Variants in SON observed in about 807,000 individuals in gnomAD.
The protein encoded by SON is protein SON.
Under a neutral mutation model 173.3 loss-of-function variants are expected in SON, and 4 were observed. That is an observed-to-expected ratio of 0.02 (90% confidence interval 0.01 to 0.05). The LOEUF (loss-of-function observed/expected upper bound fraction) is 0.05, where lower values mean the gene tolerates loss of function less well. SON is among the 10% of genes least tolerant of loss of function. The pLI, the probability that SON is intolerant of heterozygous loss-of-function variation, is 1.00. For missense variants in SON, 2,626 were observed against 3,055.3 expected, an observed-to-expected ratio of 0.86 and a Z score of 3.31; for synonymous variants, 1,190 against 1,105.9, an observed-to-expected ratio of 1.08 and a Z score of -1.51.
Position 33,550,449 on chromosome 21 carries a change from T to C in SON, c.1218T>C (p.Pro406=), listed in dbSNP as rs770405118. Reference sequence around the variant, plus strand: ...CTGTGACTCCAGTGCTGGAGTTACCTGGGCCCTCTGCTACCCCGGTGCCAG... The same window carrying C: ...CTGTGACTCCAGTGCTGGAGTTACCCGGGCCCTCTGCTACCCCGGTGCCAG... The part of the protein sequence containing the change: ...GPPVTPVLEL[P]GPSATPVPEL... Residue 406 remains proline (P), a synonymous_variant, in exon 3 of 12, where the codon CCT becomes CCC. Transcript: ENST00000356577. The C allele has an allele frequency of 4.3e-6, 7 of 1,613,304 alleles. No individual in the cohort carries two copies. The highest frequency in any genetic ancestry group is 5.9e-6 in the Non-Finnish European group (7 of 1,179,800).
In SON at chr21:33,546,115, TGACA is replaced by T; in HGVS notation, c.78-96_78-93del. 13 of 968,906 alleles carry T rather than the reference TGACA, an allele frequency of 1.3e-5. No individual in the cohort carries two copies. The South Asian group carries it at 2.2e-4, about 16-fold the overall frequency. The allele number at this position is 968,906 out of a possible 1,614,324, so 60.0% of individuals were successfully genotyped here. A position where few individuals can be genotyped will look rare whatever the true frequency, so the allele number is the denominator to read the frequency against. ...TAAAATAGGAAAAAGGTAAAACATC[TGACA>T]GTCAGTACAACATATGATTATTGTA... On this transcript the variant is annotated intron_variant, in intron 1 of 11. Transcript: ENST00000356577.
At position 33,550,581 on chromosome 21, in the gene SON, G is replaced by C. The variant is rs200678788; in HGVS notation, c.1350G>C (p.Ser450=). The C allele has an allele frequency of 2.5e-6, 4 of 1,613,948 alleles. No individual in the cohort carries two copies. The East Asian group carries it at 8.9e-5, about 36-fold the overall frequency. The change falls in exon 3 of 12, where the codon TCG becomes TCC. Residue 450 remains serine, a synonymous_variant. Coordinates refer to ENST00000356577, the MANE Select transcript of SON (RefSeq NM_138927.4). ...GPSVTPVPQL[S]QELPGLPAPS... ...CTGTGACACCAGTGCCACAGTTGTCGCAGGAATTGCCAGGGCTTCCAGCAC... is the reference window on the plus strand; with the variant it reads ...CTGTGACACCAGTGCCACAGTTGTCCCAGGAATTGCCAGGGCTTCCAGCAC...
Position 33,554,478 on chromosome 21 carries a change from A to G in SON, c.5247A>G (p.Arg1749=), listed in dbSNP as rs376952251. 1.7e-4 allele frequency: 277 copies of G among 1,614,098 alleles called. No individual in the cohort carries two copies. Among genetic ancestry groups the G allele is most frequent in the Non-Finnish European group, 2.3e-4 (270 of 1,180,050 alleles). ...PKDMERLTSL[R]AGIEGPLLAS... ...ACATGGAACGTCTTACAAGCCTTAG[A>G]GCTGGCATTGAAGGACCTTTACTTG... Residue 1749 remains arginine (R), a synonymous_variant, in exon 3 of 12, where the codon AGA becomes AGG. Coordinates refer to ENST00000356577, the MANE Select transcript of SON (RefSeq NM_138927.4).
intron 1 of SON, among the ~76,000 whole-genome samples, chr21:33,545,011 T>G (rs1347455676): frequency 6.6e-6 from 1 of 152,204 alleles, no homozygotes; most frequent in Non-Finnish European, 1.5e-5. Flanking sequence ...AGTGAGCTGT[T>G]TTTTTTCTCA....
rs770123081 is a variant in SON, at chr21:33,554,471, G to C, written c.5240G>C (p.Ser1747Thr). Residue 1747 changes from serine (S) to threonine (T), a missense_variant, in exon 3 of 12, where the codon AGC becomes ACC. Ser to Thr is a moderately conservative substitution (Grantham distance 58, BLOSUM62 1). Around this residue, in one of 13 missense-constraint regions of SON, gnomAD observed 1,006 missense variants for 895.6 expected, o/e 1.12. Transcript: ENST00000356577. The stretch of plus-strand genomic sequence containing the variant: ...CCTAAGGACATGGAACGTCTTACAA[G>C]CCTTAGAGCTGGCATTGAAGGACCT... ...LLPKDMERLTSLRAGIEGPLL... is the reference protein window; with the variant it reads ...LLPKDMERLTTLRAGIEGPLL... 2 of 1,614,168 alleles carry C rather than the reference G, an allele frequency of 1.2e-6. No homozygotes were observed. The highest frequency in any genetic ancestry group is 2.2e-5 in the South Asian group (2 of 91,084).
In SON at chr21:33,549,931, C is replaced by T. The variant is rs776949930; in HGVS notation, c.700C>T (p.Pro234Ser). The change falls in exon 3 of 12, where the codon CCA (proline) becomes TCA (serine). Residue 234 changes from proline to serine, a missense_variant. By Grantham distance (74) the Pro-to-Ser change is moderately conservative (BLOSUM62 -1). This residue lies in a region of SON where 757 missense variants were observed against 730.1 expected (regional missense o/e 1.04). Coordinates refer to ENST00000356577, the MANE Select transcript of SON (RefSeq NM_138927.4). ...EQSEQSVAVM[P>S]EPSMTKILDS... ...GTCAGAGCAGTCTGTGGCAGTAATG[C>T]CAGAACCATCCATGACAAAGATTCT... The T allele has an allele frequency of 6.2e-7, 1 of 1,614,162 alleles. No individual in the cohort carries two copies. Among genetic ancestry groups the T allele is most frequent in the East Asian group, 2.2e-5 (1 of 44,888 alleles).
At chr21:33,557,721 T>C (rs2085995069) in intron 4 of SON, 2 of 1,424,552 alleles carry the variant, frequency 1.4e-6, no homozygotes, top group Admixed American at 6.1e-5. Context: ...AAATGATCTT[T>C]TGCCACCGGA....
chr21:33,555,537 T>A, intron 3 of SON, 146 bp downstream of exon 3: 1 of 722,098 alleles, frequency 1.4e-6, no homozygotes, highest in Non-Finnish European at 2.0e-6. Flanking sequence ...CATGGTACTG[T>A]ATTTAGGAAC....
chr21:33,570,979 G>A (rs1034659050), intron 8 of SON, among the ~76,000 whole-genome samples: 4 of 147,656 alleles, frequency 2.7e-5, no homozygotes, highest in African/African-American at 5.0e-5. Flanking sequence ...ATTTCTTCTG[G>A]TATTTGCAGT....
rs2086028080 is a variant in SON at position 33,559,408 on chromosome 21, A to G, written c.6468+32A>G. 4 of 1,567,920 alleles carry G rather than the reference A, an allele frequency of 2.6e-6. No individual in the cohort carries two copies. The highest frequency in any genetic ancestry group is 2.6e-6 in the Non-Finnish European group (3 of 1,161,594). On this transcript the variant is annotated intron_variant, in intron 5 of 11. Transcript: ENST00000356577. The surrounding 1 kb of genome is among the most constrained non-coding windows in gnomAD (Gnocchi z 4.1). ...ATTAGTGCTTATGGATTGGTAAAAC[A>G]GTGTAACTTGTGGAACTATTTAAAT...
rs201669657 is a variant in SON at position 33,550,960 on chromosome 21, T to C, written c.1729T>C (p.Ser577Pro). 3.0e-4 allele frequency: 478 copies of C among 1,602,874 alleles called. 6 individuals carry two copies. In the Admixed American group the frequency reaches 8.0e-3, roughly 27 times the overall value. Reference sequence around the variant, plus strand: ...GGTGCCAGAGTTGCCAGGGCTGCCTTCGGCAACTAGGGCACTGGAGTTGTC... The same window carrying C: ...GGTGCCAGAGTTGCCAGGGCTGCCTCCGGCAACTAGGGCACTGGAGTTGTC... ...TGVPELPGLP[S>P]ATRALELSGQ... The change falls in exon 3 of 12, where the codon TCG (serine) becomes CCG (proline). Residue 577 changes from serine (S) to proline (P), a missense_variant. Physicochemically the swap from Ser to Pro is moderately conservative, Grantham distance 74. This residue lies in a region of SON where 757 missense variants were observed against 730.1 expected (regional missense o/e 1.04). Transcript: ENST00000356577.
chr21:33,560,081 T>C, intron 6 of SON: 9 of 1,614,108 alleles, frequency 5.6e-6, no homozygotes, highest in Non-Finnish European at 7.6e-6. Flanking sequence ...GTACAACTAT[T>C]TAGCTTCCCG....
chr21:33,564,895 C>A (rs899444352), intron 6 of SON, among the ~76,000 whole-genome samples: 14 of 150,334 alleles, frequency 9.3e-5, no homozygotes, highest in African/African-American at 3.4e-4. Flanking sequence ...AACCAGTAGT[C>A]AAATTACTAT....
At chr21:33,555,836 TAAATG>T (rs1392380324) in intron 3 of SON, among the ~76,000 whole-genome samples, 1 of 152,214 alleles carries the variant, frequency 6.6e-6, no homozygotes. Context: ...ATAGGACTGT[TAAATG>T]AAGGTAATTC....
chr21:33,569,600 C>G (rs377489930), intron 8 of SON: 1 of 464,786 alleles, frequency 2.2e-6, no homozygotes, highest in African/African-American at 2.0e-5. Flanking sequence ...TGTAAGATCT[C>G]TTGGCCCCCG....
chr21:33,548,646 A>C (rs2085680513), intron 2 of SON, among the ~76,000 whole-genome samples: 1 of 152,260 alleles, frequency 6.6e-6, no homozygotes, highest in African/African-American at 2.4e-5. Context: ...CAAGTGTGTC[A>C]GTAATTTGGC....
chr21:33,561,737 T>C (rs1262200054), intron 6 of SON, among the ~76,000 whole-genome samples: 1 of 152,186 alleles, frequency 6.6e-6, no homozygotes, highest in Non-Finnish European at 1.5e-5. Context: ...AGTTGTCAGA[T>C]TTTAATTAAA....
chr21:33,569,093 C>G lies in SON; in HGVS notation c.6885+6C>G, dbSNP rs934831049. On this transcript the variant is annotated splice_donor_region_variant and intron_variant, in intron 8 of 11. Coordinates refer to ENST00000356577, the MANE Select transcript of SON (RefSeq NM_138927.4). ...CCCAAGCCTGGATTAAAAAGGTACA[C>G]AGTATATGCACATATGAAAGTGTCG... 1.3e-6 allele frequency: 2 copies of G among 1,484,312 alleles called. No homozygotes were observed. The highest frequency in any genetic ancestry group is 1.9e-6 in the Non-Finnish European group (2 of 1,063,098). 91.9% of individuals were successfully genotyped at this position (1,484,312 alleles called of 1,614,324 possible).
chr21:33,553,867 G>A lies in SON; in HGVS notation c.4636G>A (p.Glu1546Lys). The A allele has an allele frequency of 6.2e-7, 1 of 1,613,976 alleles. No homozygotes were observed. Among genetic ancestry groups the A allele is most frequent in the African/African-American group, 1.3e-5 (1 of 75,038 alleles). ...TAATCATTTAATTGCTAAAGAGATG[G>A]AACATAATACAGTGTGTGCTGCTGG... The part of the protein sequence containing the change: ...INNHLIAKEM[E>K]HNTVCAAGTS... Residue 1546 changes from glutamate to lysine, a missense_variant, in exon 3 of 12, where the codon GAA becomes AAA. Coordinates refer to ENST00000356577, the MANE Select transcript of SON (RefSeq NM_138927.4).
Sources: gnomAD v4.1 joint callset for allele counts (sites outside exome capture counted in the v4.1 genomes callset) on GRCh38, gnomAD v4.1.1 for gene constraint, gnomAD v4.1.1 regional missense constraint, Gnocchi (gnomAD v3.1) non-coding constraint, MANE v1.5 for transcripts, NCBI Gene and HGNC (gene_info 2026-07-23, HGNC 2026-07-21) for gene names.